MELK: variants seen among roughly 807,000 people sequenced by gnomAD.
The protein encoded by MELK is pEg3 kinase.
A neutral mutation model predicts 85.0 loss-of-function variants in MELK; 81 were observed. The observed-to-expected ratio is 0.95, with a 90% CI of 0.80 to 1.15. The LOEUF is 1.15. Among genes scored for constraint, MELK ranks in the 50% most tolerant of loss-of-function variants. MELK has a pLI of 0.00. For missense variants in MELK, 754 were observed against 777.5 expected, an observed-to-expected ratio of 0.97 and a Z score of 0.36; for synonymous variants, 252 against 265.0, an observed-to-expected ratio of 0.95 and a Z score of 0.48.
chr9:36,595,343 A>G lies in MELK; in HGVS notation c.405+572A>G, dbSNP rs949448206. ...AGTAGAAACAGGGTTTCACTGTGTTAGCCAGGATGGTCTCAATCTCCTGAC... is the reference window on the plus strand; with the variant it reads ...AGTAGAAACAGGGTTTCACTGTGTTGGCCAGGATGGTCTCAATCTCCTGAC... On this transcript the variant is annotated intron_variant, in intron 5 of 17. Transcript: ENST00000298048. Among the ~76,000 whole-genome samples the G allele has an allele frequency of 1.6e-3, 247 of 152,062 alleles. 2 individuals are homozygous for G. The highest frequency in any genetic ancestry group is 4.6e-3 in the African/African-American group (189 of 41,506).
chr9:36,589,465 C>A, intron 3 of MELK, 71 bp from the exon 4 acceptor site: 2 of 1,243,226 alleles, frequency 1.6e-6, no homozygotes, highest in Non-Finnish European at 2.4e-6. Context: ...AGTATTAAAG[C>A]TGTTAGTATT....
chr9:36,631,456 G>T (rs1828608942), intron 9 of MELK, among the ~76,000 whole-genome samples: 1 of 151,704 alleles, frequency 6.6e-6, no homozygotes, highest in Non-Finnish European at 1.5e-5. Context: ...AGTAGAGATG[G>T]GGTTTCACCA....
chr9:36,582,064 C>T (rs1016273929), intron 2 of MELK, among the ~76,000 whole-genome samples: 6 of 151,798 alleles, frequency 4.0e-5, no homozygotes, highest in African/African-American at 9.7e-5. Context: ...CTCTGCCTCC[C>T]GGGTTCACGC....
At chr9:36,588,618 G>A (rs1823201892) in intron 3 of MELK, among the ~76,000 whole-genome samples, 2 of 149,466 alleles carry the variant, frequency 1.3e-5, no homozygotes, top group African/African-American at 4.9e-5. Context: ...ACCTCAGGTA[G>A]TCCGCCCACC....
intron 5 of MELK, 29 bp from the exon 6 acceptor site, chr9:36,597,193 C>T (rs1475810756): frequency 1.3e-6 from 2 of 1,572,754 alleles, no homozygotes; most frequent in Non-Finnish European, 1.8e-6. Context: ...AGTCAGTATA[C>T]AGTTATCAAA....
chr9:36,626,728 C>A (rs1168120169), intron 8 of MELK, among the ~76,000 whole-genome samples: 1 of 151,890 alleles, frequency 6.6e-6, no homozygotes, highest in Non-Finnish European at 1.5e-5. Context: ...GAGGCTGAGG[C>A]GGGCGGATCA....
chr9:36,645,439 CCTGG>C (rs1830140111), intron 11 of MELK, among the ~76,000 whole-genome samples: 1 of 151,974 alleles, frequency 6.6e-6, no homozygotes, highest in Admixed American at 6.6e-5. Context: ...GAAGTTGTTT[CCTGG>C]TGTTACAGTT....
intron 8 of MELK, among the ~76,000 whole-genome samples, chr9:36,616,889 C>T (rs940268879): frequency 2.8e-5 from 4 of 142,742 alleles, no homozygotes; most frequent in African/African-American, 7.8e-5. Flanking sequence ...ACTTTGTTTT[C>T]CTCCCTTAGC....
chr9:36,594,735 G>T lies in MELK; in HGVS notation c.369G>T (p.Val123=). 5.0e-6 allele frequency: 8 copies of T among 1,614,012 alleles called. No individual in the cohort carries two copies. The highest frequency in any genetic ancestry group is 5.9e-6 in the Non-Finnish European group (7 of 1,180,012). ...AGATAGTATCTGCTGTTGCTTATGT[G>T]CACAGCCAGGGCTATGCTCACAGGG... ...FRQIVSAVAY[V]HSQGYAHRDL... Residue 123 remains valine, a synonymous_variant, in exon 5 of 18, where the codon GTG becomes GTT. Transcript: ENST00000298048.
intron 8 of MELK, among the ~76,000 whole-genome samples, chr9:36,625,333 C>T (rs939243724): frequency 5.1e-4 from 78 of 152,184 alleles, no homozygotes; most frequent in African/African-American, 1.7e-3. Context: ...AGCAGTTTGC[C>T]AAGAAAGAGA....
In MELK at chr9:36,604,082, G is replaced by A. The variant is rs369220918; in HGVS notation, c.568-3493G>A. Among the ~76,000 whole-genome samples, 209 of 142,238 alleles carry A rather than the reference G, an allele frequency of 1.5e-3. 3 individuals carry two copies. The South Asian group carries it at 0.044, about 30-fold the overall frequency. The allele number at this position is 142,238 out of a possible 152,430, so 93.3% of individuals were successfully genotyped here. On this transcript the variant is annotated intron_variant, in intron 7 of 17. Coordinates refer to ENST00000298048, the MANE Select transcript of MELK (RefSeq NM_014791.4). The stretch of plus-strand genomic sequence containing the variant: ...CCTCCCGAGTTCAAGCGATTCTCCT[G>A]CCTCAGCCTCCCGAATTGCTGGAAT...
At chr9:36,614,431 T>TTTTG (rs796320448) in intron 8 of MELK, among the ~76,000 whole-genome samples, 36 of 109,194 alleles carry the variant, frequency 3.3e-4, no homozygotes, top group African/African-American at 1.1e-3. Context: ...TTGGGTTTTT[T>TTTTG]TTTTTTTTTT....
Position 36,583,549 on chromosome 9 carries a change from T to G in MELK, c.59-78T>G, listed in dbSNP as rs1421887481. On this transcript the variant is annotated intron_variant, in intron 2 of 17. Transcript: ENST00000298048. ...TAGGAAAATTTGGCTTGATAGAGTC[T>G]TTTAAAATTATTATATATAAAAAGG... 20 of 922,752 alleles carry G rather than the reference T, an allele frequency of 2.2e-5. No homozygotes were observed. The South Asian group carries it at 5.0e-4, about 23-fold the overall frequency. The allele number at this position is 922,752 out of a possible 1,614,324, so 57.2% of individuals were successfully genotyped here.
intron 10 of MELK, among the ~76,000 whole-genome samples, chr9:36,633,549 C>T (rs542520489): frequency 2.6e-5 from 4 of 152,098 alleles, no homozygotes; most frequent in Admixed American, 2.0e-4. Context: ...GTAGGTTAAA[C>T]CAGTTCTACT....
At chr9:36,585,302 GTTTTTTTTTTTT>G (rs869244728) in intron 3 of MELK, among the ~76,000 whole-genome samples, 2 of 77,830 alleles carry the variant, frequency 2.6e-5, no homozygotes, top group African/African-American at 5.8e-5. Context: ...ACCATTCTTT[GTTTTTTTTTTTT>G]TTTTTTTTTT....
intron 12 of MELK, among the ~76,000 whole-genome samples, chr9:36,656,978 C>G (rs1311302045): frequency 6.6e-6 from 1 of 152,170 alleles, no homozygotes; most frequent in Non-Finnish European, 1.5e-5. Flanking sequence ...GAGCCACCTA[C>G]TGTATTCAGT....
At position 36,665,430 on chromosome 9, in the gene MELK, A is replaced by G. The variant is rs369328430; in HGVS notation, c.1257A>G (p.Lys419=). 76 of 1,613,568 alleles carry G rather than the reference A, an allele frequency of 4.7e-5. No individual in the cohort carries two copies. The highest frequency in any genetic ancestry group is 6.1e-5 in the Non-Finnish European group (72 of 1,179,678). ...CCTTATGCAGAACACCTGCAAATAAATTAAAGAACAAAGAAAATGTATATA... is the reference window on the plus strand; with the variant it reads ...CCTTATGCAGAACACCTGCAAATAAGTTAAAGAACAAAGAAAATGTATATA... ...TPALCRTPAN[K]LKNKENVYTP... The change falls in exon 14 of 18, where the codon AAA becomes AAG. Residue 419 remains lysine, a synonymous_variant. Coordinates refer to ENST00000298048, the MANE Select transcript of MELK (RefSeq NM_014791.4).
intron 10 of MELK, among the ~76,000 whole-genome samples, chr9:36,636,952 G>A (rs910859673): frequency 2.3e-4 from 35 of 151,466 alleles, no homozygotes; most frequent in African/African-American, 5.1e-4. Context: ...CCCCTCCCTC[G>A]GCCTCCCGAG....
In MELK at chr9:36,606,307, A is replaced by G. The variant is rs1016894705; in HGVS notation, c.568-1268A>G. 8.6e-4 allele frequency among the ~76,000 whole-genome samples: 126 copies of G among 147,166 alleles called. 1 individual carries two copies. Among genetic ancestry groups the G allele is most frequent in the African/African-American group, 2.9e-3 (115 of 39,922 alleles). ...ATGTATAGGTGTGTATATAATATAT[A>G]CATATGTATAGGTGTGTATATAATA... On this transcript the variant is annotated intron_variant, in intron 7 of 17. Coordinates refer to ENST00000298048, the MANE Select transcript of MELK (RefSeq NM_014791.4).
Sources: allele counts gnomAD v4.1 joint callset (sites outside exome capture counted in the v4.1 genomes callset), GRCh38; gene constraint gnomAD v4.1.1; transcripts MANE v1.5; gene names NCBI Gene and HGNC (gene_info 2026-07-23, HGNC 2026-07-21).